Variants in GRK3 observed in about 807,000 individuals in gnomAD.
The protein encoded by GRK3 is G protein-coupled receptor kinase 3.
A neutral mutation model predicts 95.7 loss-of-function variants in GRK3; 54 were observed. The observed-to-expected ratio is 0.56, with a 90% CI of 0.45 to 0.71. GRK3 has a LOEUF of 0.71. Ranked by LOEUF, GRK3 falls within the 30% of genes least tolerant of loss-of-function variation. The pLI is 0.00. For synonymous variants in GRK3, 281 were observed against 290.8 expected, an observed-to-expected ratio of 0.97 and a Z score of 0.34; for missense variants, 649 against 851.2, an observed-to-expected ratio of 0.76 and a Z score of 2.96.
intron 2 of GRK3, among the ~76,000 whole-genome samples, chr22:25,612,060 T>C (rs2084502130): frequency 6.6e-6 from 1 of 152,128 alleles, no homozygotes; most frequent in Non-Finnish European, 1.5e-5. Flanking sequence ...CACGATCTCT[T>C]GAGCTCAGGC....
At chr22:25,675,771 T>C (rs1374376256) in intron 8 of GRK3, among the ~76,000 whole-genome samples, 2 of 152,348 alleles carry the variant, frequency 1.3e-5, no homozygotes. Flanking sequence ...ATGGATGATA[T>C]GTTTTTTGAG....
At chr22:25,614,501 C>T in intron 2 of GRK3, among the ~76,000 whole-genome samples, 1 of 152,280 alleles carries the variant, frequency 6.6e-6, no homozygotes, top group Middle Eastern at 3.4e-3. Flanking sequence ...GATTGGAATA[C>T]TATTAGTCCA....
intron 2 of GRK3, among the ~76,000 whole-genome samples, chr22:25,636,234 T>C (rs2084700502): frequency 6.6e-6 from 1 of 152,226 alleles, no homozygotes; most frequent in African/African-American, 2.4e-5. Flanking sequence ...CAGCCTAAAT[T>C]TGGACACTAG....
chr22:25,643,448 C>A (rs987742996), intron 2 of GRK3, among the ~76,000 whole-genome samples: 1 of 152,224 alleles, frequency 6.6e-6, no homozygotes, highest in Non-Finnish European at 1.5e-5. Context: ...GATCCTTATG[C>A]TAATGTTAAT....
intron 3 of GRK3, among the ~76,000 whole-genome samples, chr22:25,657,223 A>G (rs2084878276): frequency 6.6e-6 from 1 of 152,218 alleles, no homozygotes; most frequent in African/African-American, 2.4e-5. Flanking sequence ...GGTAGTTGAT[A>G]TGATACCTTC....
At chr22:25,655,518 C>G (rs2084864257) in intron 3 of GRK3, among the ~76,000 whole-genome samples, 1 of 152,154 alleles carries the variant, frequency 6.6e-6, no homozygotes, top group Non-Finnish European at 1.5e-5. Context: ...TGGCTGACTC[C>G]TCTGATTCTT....
At chr22:25,623,621 G>T (rs2084604045) in intron 2 of GRK3, among the ~76,000 whole-genome samples, 1 of 152,162 alleles carries the variant, frequency 6.6e-6, no homozygotes. Flanking sequence ...CACAAACTAA[G>T]AAACCTACAC....
rs181420459 is a variant in GRK3 at position 25,720,984 on chromosome 22, A to G, written c.1792-300A>G. 2.6e-5 allele frequency among the ~76,000 whole-genome samples: 4 copies of G among 152,334 alleles called. No homozygotes were observed. In the East Asian group the frequency reaches 7.7e-4, roughly 29 times the overall value. ...TTGACAGAATGTATATGAGTGTGCC[A>G]TACAGCAAGTAGGCTTGCGATTCAT... On this transcript the variant is annotated intron_variant, in intron 19 of 20. Transcript: ENST00000324198.
chr22:25,703,084 T>G (rs936393071), intron 13 of GRK3: 5 of 336,078 alleles, frequency 1.5e-5, no homozygotes, highest in African/African-American at 1.1e-4. Flanking sequence ...TTGGTTCAAC[T>G]GCTGTTCCTT....
chr22:25,718,416 C>T, intron 19 of GRK3, 35 bp downstream of exon 19: 1 of 1,610,104 alleles, frequency 6.2e-7, no homozygotes, highest in Non-Finnish European at 8.5e-7. Context: ...GCATGTTTCC[C>T]AGTACGTACA....
rs768141515 is a variant in GRK3 at position 25,722,255 on chromosome 22, C to T, written c.1906-34C>T. 5.0e-6 allele frequency: 8 copies of T among 1,607,206 alleles called. No homozygotes were observed. In the East Asian group the frequency reaches 1.6e-4, roughly 31 times the overall value. ...TCCGCTGTTGGCAAAATGGGTGAGC[C>T]TGTCACAACGGCTGCCTTTGTATTC... On this transcript the variant is annotated intron_variant, in intron 20 of 20. Transcript: ENST00000324198.
intron 2 of GRK3, among the ~76,000 whole-genome samples, chr22:25,617,053 GTCCTT>G (rs1374998329): frequency 6.6e-6 from 1 of 152,172 alleles, no homozygotes; most frequent in Non-Finnish European, 1.5e-5. Context: ...GACAGAGAGA[GTCCTT>G]CTAGGCCCCC....
intron 2 of GRK3, among the ~76,000 whole-genome samples, chr22:25,632,419 A>G (rs112107079): frequency 0.022 from 3,412 of 152,322 alleles, 61 homozygotes; most frequent in Middle Eastern, 0.068. Context: ...AGTCTTTCAT[A>G]TATTTTGGAT....
At chr22:25,697,808 C>A (rs2085221565) in intron 13 of GRK3, among the ~76,000 whole-genome samples, 1 of 152,174 alleles carries the variant, frequency 6.6e-6, no homozygotes, top group Non-Finnish European at 1.5e-5. Flanking sequence ...TCGATTGAGC[C>A]TGAAATGGAA....
At chr22:25,644,498 G>A in intron 2 of GRK3, 94 bp from the exon 3 acceptor site, 1 of 520,094 alleles carries the variant, frequency 1.9e-6, no homozygotes, top group Admixed American at 3.8e-5. Flanking sequence ...AGGAGGAAGA[G>A]GTTGAGGTAT....
chr22:25,682,982 C>G (rs1330612164), intron 9 of GRK3, among the ~76,000 whole-genome samples: 2 of 152,228 alleles, frequency 1.3e-5, no homozygotes, highest in Non-Finnish European at 2.9e-5. Flanking sequence ...TGGTGTTGCC[C>G]ACGGCTGTAA....
chr22:25,574,900 G>T (rs1288352568), intron 1 of GRK3, among the ~76,000 whole-genome samples: 1 of 152,096 alleles, frequency 6.6e-6, no homozygotes, highest in East Asian at 1.9e-4. Context: ...GCTTCTTTCT[G>T]TTTTGTTTCT....
chr22:25,619,743 T>G lies in GRK3; in HGVS notation c.190+15290T>G, dbSNP rs576328795. 3.6e-5 allele frequency among the ~76,000 whole-genome samples: 5 copies of G among 139,946 alleles called. No homozygotes were observed. The East Asian group carries it at 1.2e-3, about 33-fold the overall frequency. The allele number at this position is 139,946 out of a possible 152,430, so 91.8% of individuals were successfully genotyped here. A position where few individuals can be genotyped will look rare whatever the true frequency, so the allele number is the denominator to read the frequency against. On this transcript the variant is annotated intron_variant, in intron 2 of 20. Coordinates refer to ENST00000324198, the MANE Select transcript of GRK3 (RefSeq NM_005160.4). The stretch of plus-strand genomic sequence containing the variant: ...CTGGCTTCAAGTGATCCTCCTACCC[T>G]AGCCTCCCAAAATGCTGGGATTATG...
At chr22:25,681,293 G>A (rs567521164) in intron 9 of GRK3, among the ~76,000 whole-genome samples, 5 of 152,252 alleles carry the variant, frequency 3.3e-5, no homozygotes, top group South Asian at 2.1e-4. Flanking sequence ...AAATGATGAC[G>A]GAAATGTATG....
Sources: allele counts gnomAD v4.1 joint callset (sites outside exome capture counted in the v4.1 genomes callset), GRCh38; gene constraint gnomAD v4.1.1; transcripts MANE v1.5; gene names NCBI Gene and HGNC (gene_info 2026-07-23, HGNC 2026-07-21).